The following C11orf97 variants were observed in gnomAD, a reference collection of about 807,000 sequenced individuals.
C11orf97 encodes uncharacterized protein C11orf97.
C11orf97 carries 15 observed loss-of-function variants against 16.2 expected under a neutral mutation model. The observed-to-expected ratio is 0.93, with a 90% CI of 0.62 to 1.43. The LOEUF (loss-of-function observed/expected upper bound fraction) is 1.43. C11orf97 is among the 40% of genes most tolerant of loss of function. C11orf97 has a pLI of 0.00. For synonymous variants in C11orf97, 61 were observed against 65.7 expected, an observed-to-expected ratio of 0.93 and a Z score of 0.34; for missense variants, 171 against 161.2, an observed-to-expected ratio of 1.06 and a Z score of -0.33.
intron 1 of C11orf97, among the ~76,000 whole-genome samples, chr11:94,515,292 C>G (rs1947602908): frequency 6.6e-6 from 1 of 150,502 alleles, no homozygotes; most frequent in Admixed American, 6.6e-5. Flanking sequence ...TATTAGCTCT[C>G]AGGAAAAAAA....
chr11:94,528,334 C>T (rs1298951871), intron 3 of C11orf97, 125 bp downstream of exon 3: 4 of 943,184 alleles, frequency 4.2e-6, no homozygotes, highest in Non-Finnish European at 5.8e-6. Flanking sequence ...ACTTGTTTCT[C>T]TTGGGTTGCT....
intron 1 of C11orf97, among the ~76,000 whole-genome samples, chr11:94,515,542 TTTTA>T (rs1947605172): frequency 6.6e-6 from 1 of 152,046 alleles, no homozygotes; most frequent in African/African-American, 2.4e-5. Context: ...CTTCTTTCTT[TTTTA>T]AATTTGCTTT....
chr11:94,514,004 A>G (rs914504050), intron 1 of C11orf97, among the ~76,000 whole-genome samples: 5 of 152,090 alleles, frequency 3.3e-5, no homozygotes, highest in African/African-American at 1.2e-4. Context: ...GAGACAGGGT[A>G]TCGCCATGTT....
At chr11:94,523,438 G>T (rs1947675376) in intron 2 of C11orf97, among the ~76,000 whole-genome samples, 1 of 152,234 alleles carries the variant, frequency 6.6e-6, no homozygotes, top group South Asian at 2.1e-4. Flanking sequence ...TAAGAGTCCA[G>T]ATTGGATTTT....
intron 1 of C11orf97, among the ~76,000 whole-genome samples, chr11:94,515,059 G>GC (rs1252755105): frequency 6.6e-6 from 1 of 152,168 alleles, no homozygotes; most frequent in African/African-American, 2.4e-5. Flanking sequence ...GAACTGATTA[G>GC]TAGAGTGTGG....
intron 2 of C11orf97, among the ~76,000 whole-genome samples, chr11:94,523,628 T>G (rs1298764890): frequency 6.6e-6 from 1 of 152,206 alleles, no homozygotes; most frequent in Non-Finnish European, 1.5e-5. Flanking sequence ...TTTCTGTGCT[T>G]TTTCTCTTCT....
At chr11:94,528,559 C>T (rs566371653) in intron 3 of C11orf97, among the ~76,000 whole-genome samples, 42 of 152,244 alleles carry the variant, frequency 2.8e-4, no homozygotes, top group Non-Finnish European at 4.6e-4. Context: ...ATCTTTGTTT[C>T]CCAGTGGAAA....
intron 3 of C11orf97, among the ~76,000 whole-genome samples, chr11:94,530,752 T>C (rs996614227): frequency 3.9e-5 from 6 of 152,236 alleles, no homozygotes; most frequent in South Asian, 4.1e-4. Flanking sequence ...TATCGTTTTC[T>C]CTACTTGAGA....
chr11:94,522,771 A>G (rs746958982), intron 2 of C11orf97, among the ~76,000 whole-genome samples: 6 of 152,210 alleles, frequency 3.9e-5, no homozygotes, highest in African/African-American at 1.2e-4. Flanking sequence ...CCTTGCAGAC[A>G]TATTTATTTG....
At chr11:94,520,550 T>C (rs1261079069) in intron 2 of C11orf97, among the ~76,000 whole-genome samples, 1 of 152,204 alleles carries the variant, frequency 6.6e-6, no homozygotes, top group Non-Finnish European at 1.5e-5. Context: ...GGATGTCCAA[T>C]AGGCCTCTCA....
chr11:94,523,469 C>T lies in C11orf97; in HGVS notation c.251-4615C>T, dbSNP rs778556655. ...ATTTTCCTTAACCATAGATAAAATA[C>T]TGCAATACTGGGCTATTTATTGAAC... is the stretch of plus-strand genomic sequence containing the variant. On this transcript the variant is annotated intron_variant, in intron 2 of 3. Coordinates refer to ENST00000542198, the MANE Select transcript of C11orf97 (RefSeq NM_001190462.2). 1.6e-4 allele frequency among the ~76,000 whole-genome samples: 25 copies of T among 152,306 alleles called. 1 individual carries two copies. In the Middle Eastern group the frequency reaches 0.01, roughly 62 times the overall value.
At chr11:94,524,251 C>T (rs919931545) in intron 2 of C11orf97, among the ~76,000 whole-genome samples, 5 of 152,074 alleles carry the variant, frequency 3.3e-5, no homozygotes, top group African/African-American at 9.7e-5. Flanking sequence ...AGCTGAGGCT[C>T]AGGGGGATGC....
intron 2 of C11orf97, among the ~76,000 whole-genome samples, chr11:94,517,997 A>C (rs1475087395): frequency 6.6e-6 from 1 of 151,948 alleles, no homozygotes; most frequent in Non-Finnish European, 1.5e-5. Context: ...AAAACACAAA[A>C]AATTAGCCGG....
intron 2 of C11orf97, among the ~76,000 whole-genome samples, chr11:94,518,843 C>G (rs965686071): frequency 6.6e-6 from 1 of 152,054 alleles, no homozygotes. Flanking sequence ...CTAAGGATTC[C>G]TAAGAGAGAG....
intron 1 of C11orf97, among the ~76,000 whole-genome samples, chr11:94,517,048 C>A (rs148678510): frequency 6.6e-6 from 1 of 152,348 alleles, no homozygotes; most frequent in Non-Finnish European, 1.5e-5. Flanking sequence ...GTAGTCATGT[C>A]CTATAGGTCC....
chr11:94,513,035 A>G (rs931927979), intron 1 of C11orf97, among the ~76,000 whole-genome samples: 1 of 152,200 alleles, frequency 6.6e-6, no homozygotes, highest in East Asian at 1.9e-4. Flanking sequence ...GTATGCGTAT[A>G]CACCCTTAGA....
intron 3 of C11orf97, among the ~76,000 whole-genome samples, chr11:94,530,512 C>G (rs759498447): frequency 3.9e-5 from 6 of 152,168 alleles, no homozygotes; most frequent in Non-Finnish European, 8.8e-5. Context: ...CAAAAATTGT[C>G]AGTAGTAATT....
intron 2 of C11orf97, among the ~76,000 whole-genome samples, chr11:94,523,073 T>C (rs1947671724): frequency 6.6e-6 from 1 of 151,710 alleles, no homozygotes; most frequent in Non-Finnish European, 1.5e-5. Context: ...GCAGGTTTTT[T>C]CTTCTCATCG....
rs567118473 is a variant in C11orf97, at chr11:94,519,515, G to A, written c.250+1828G>A. On this transcript the variant is annotated intron_variant, in intron 2 of 3. Transcript: ENST00000542198. ...ATAAAAGCTAGTTTATACACTAGCT[G>A]TATGTTGTATTATTCTTATTGGATA... is the stretch of plus-strand genomic sequence containing the variant. Among the ~76,000 whole-genome samples, 14 of 152,244 alleles carry A rather than the reference G, an allele frequency of 9.2e-5. No individual in the cohort carries two copies. In the East Asian group the frequency reaches 2.5e-3, roughly 27 times the overall value.
Sources: allele counts gnomAD v4.1 joint callset (sites outside exome capture counted in the v4.1 genomes callset), GRCh38; gene constraint gnomAD v4.1.1; transcripts MANE v1.5; gene names NCBI Gene and HGNC (gene_info 2026-07-23, HGNC 2026-07-21).